The following RPTOR variants were observed in gnomAD, a reference collection of about 807,000 sequenced individuals.
RPTOR encodes the protein regulatory associated protein of MTOR complex 1, also known as regulatory-associated protein of mTOR.
RPTOR carries 21 observed loss-of-function variants against 169.9 expected under a neutral mutation model. The observed-to-expected ratio is 0.12, with a 90% CI of 0.09 to 0.18. RPTOR has a LOEUF of 0.18. Ranked by LOEUF, RPTOR falls within the 10% of genes least tolerant of loss-of-function variation. The pLI, the probability that RPTOR is intolerant of heterozygous loss-of-function variation, is 1.00. For synonymous variants in RPTOR, 732 were observed against 753.2 expected (o/e 0.97, Z 0.46); for missense variants, 1,133 against 1,855.9 (o/e 0.61, Z 7.16).
At chr17:80,718,249 A>C (rs941319345) in intron 4 of RPTOR, among the ~76,000 whole-genome samples, 1 of 152,110 alleles carries the variant, frequency 6.6e-6, no homozygotes, top group Non-Finnish European at 1.5e-5. Context: ...GTTTAGGATA[A>C]TTTTTAATTC....
At chr17:80,893,391 C>T (rs1472547623) in intron 19 of RPTOR, among the ~76,000 whole-genome samples, 1 of 114,524 alleles carries the variant, frequency 8.7e-6, no homozygotes, top group East Asian at 2.4e-4. Context: ...TGTGTGCATG[C>T]CAGGGTGTGT....
rs766776341 is a variant in RPTOR, at chr17:80,880,445, G to A, written c.1540G>A (p.Gly514Ser). 23 of 1,613,716 alleles carry A rather than the reference G, an allele frequency of 1.4e-5. No individual in the cohort carries two copies. Among genetic ancestry groups the A allele is most frequent in the East Asian group, 2.2e-5 (1 of 44,878 alleles). ...SCQADLVKDN[G>S]HKYFLSVLAD... ...CCAAGCGGACCTCGTGAAGGACAAC[G>A]GCCACAAGTACTTCCTGTCGGTCCT... The change falls in exon 14 of 34, where the codon GGC (glycine) becomes AGC (serine). Residue 514 changes from glycine (G) to serine (S), a missense_variant. Physicochemically the swap from Gly to Ser is moderately conservative, Grantham distance 56. This residue lies in a region of RPTOR where 289 missense variants were observed against 585.8 expected (regional missense o/e 0.49). Transcript: ENST00000306801.
At chr17:80,642,841 A>C (rs1221090192) in intron 2 of RPTOR, among the ~76,000 whole-genome samples, 1 of 152,214 alleles carries the variant, frequency 6.6e-6, no homozygotes, top group Non-Finnish European at 1.5e-5. Context: ...AGTCACTGAA[A>C]CCATGAAATG....
intron 24 of RPTOR, among the ~76,000 whole-genome samples, chr17:80,928,751 G>C (rs111755365): frequency 1.3e-5 from 2 of 152,222 alleles, no homozygotes; most frequent in Non-Finnish European, 2.9e-5. Context: ...ATGGTCTGCC[G>C]TGTGCTTAAG....
intron 3 of RPTOR, among the ~76,000 whole-genome samples, chr17:80,667,077 C>T (rs1370864694): frequency 6.6e-6 from 1 of 152,170 alleles, no homozygotes; most frequent in South Asian, 2.1e-4. Flanking sequence ...GGGAGGAAGG[C>T]GTTCCCGTCT....
chr17:80,666,242 A>G (rs1292253165), intron 3 of RPTOR, among the ~76,000 whole-genome samples: 1 of 150,132 alleles, frequency 6.7e-6, no homozygotes, highest in Non-Finnish European at 1.5e-5. Context: ...ATTCTTCTCC[A>G]AAGTTGGTTT....
At chr17:80,800,338 A>G (rs2067144605) in intron 7 of RPTOR, among the ~76,000 whole-genome samples, 1 of 152,190 alleles carries the variant, frequency 6.6e-6, no homozygotes, top group Non-Finnish European at 1.5e-5. Context: ...GTTTATTTCA[A>G]ACAGCAGCAC....
chr17:80,756,758 G>T (rs1350193200), intron 6 of RPTOR, among the ~76,000 whole-genome samples: 2 of 152,138 alleles, frequency 1.3e-5, no homozygotes, highest in Non-Finnish European at 2.9e-5. Context: ...CAGTTACCCT[G>T]ATTTGATCAT....
chr17:80,791,737 CTGAATTCCTT>C (rs2067050916), intron 7 of RPTOR, among the ~76,000 whole-genome samples: 1 of 152,170 alleles, frequency 6.6e-6, no homozygotes, highest in Non-Finnish European at 1.5e-5. Context: ...TAATAAAAAG[CTGAATTCCTT>C]TGAACATTTA....
Position 80,844,279 on chromosome 17 carries a change from G to A in RPTOR, c.1213-2194G>A, listed in dbSNP as rs2067702228. Among the ~76,000 whole-genome samples, 1 of 152,172 alleles carries A rather than the reference G, an allele frequency of 6.6e-6. No homozygotes were observed. The highest frequency in any genetic ancestry group is 2.4e-5 in the African/African-American group (1 of 41,436). On this transcript the variant is annotated intron_variant, in intron 10 of 33. Coordinates refer to ENST00000306801, the MANE Select transcript of RPTOR (RefSeq NM_020761.3). This position sits in a 1 kb window ranked among gnomAD's most constrained non-coding sequence, Gnocchi z 4.7. ...CCGCGCACCTGCCAGGCAAAGGTGT[G>A]CTTTTCCTTTTTTGTCAGTTTGAGG...
At chr17:80,785,965 T>A (rs2066986859) in intron 6 of RPTOR, among the ~76,000 whole-genome samples, 1 of 152,184 alleles carries the variant, frequency 6.6e-6, no homozygotes, top group Admixed American at 6.5e-5. Flanking sequence ...GCTCTCCTTG[T>A]TCAGGAGTTT....
chr17:80,555,608 A>G (rs2084398337), intron 1 of RPTOR, among the ~76,000 whole-genome samples: 2 of 152,222 alleles, frequency 1.3e-5, no homozygotes, highest in Admixed American at 6.5e-5. Context: ...AAATTACAAT[A>G]CGCAAGTATA....
intron 13 of RPTOR, among the ~76,000 whole-genome samples, chr17:80,873,459 T>C (rs2068073030): frequency 6.6e-6 from 1 of 152,238 alleles, no homozygotes; most frequent in Non-Finnish European, 1.5e-5. Flanking sequence ...TGCATGTTTT[T>C]GTCCTCACAG....
rs193260692 is a variant in RPTOR at position 80,551,725 on chromosome 17, C to T, written c.162+5934C>T. Among the ~76,000 whole-genome samples, 236 of 152,258 alleles carry T rather than the reference C, an allele frequency of 1.5e-3. 2 individuals are homozygous for T. The highest frequency in any genetic ancestry group is 5.6e-3 in the African/African-American group (232 of 41,560). On this transcript the variant is annotated intron_variant, in intron 1 of 33. Transcript: ENST00000306801. The stretch of plus-strand genomic sequence containing the variant: ...TCAACTGCAAGAGGCATGCCTTCCT[C>T]TTCTACTAATCCTCCTCAGCACAGA...
chr17:80,561,163 C>T (rs887306231), intron 1 of RPTOR, among the ~76,000 whole-genome samples: 3 of 147,720 alleles, frequency 2.0e-5, no homozygotes, highest in Non-Finnish European at 4.5e-5. Context: ...CTCCGCCTCC[C>T]GGGTTCAAGC....
intron 9 of RPTOR, among the ~76,000 whole-genome samples, chr17:80,837,647 T>C (rs911572574): frequency 2.2e-4 from 34 of 152,236 alleles, no homozygotes; most frequent in African/African-American, 7.5e-4. Context: ...TTTTTTCTTA[T>C]TTTATTTTAA....
chr17:80,903,188 C>T (rs1175734506), intron 20 of RPTOR, among the ~76,000 whole-genome samples: 3 of 152,238 alleles, frequency 2.0e-5, no homozygotes. Context: ...TGGCAAGCGC[C>T]CTGCTCACCC....
At chr17:80,830,607 C>T (rs1013965521) in intron 9 of RPTOR, among the ~76,000 whole-genome samples, 124 of 152,176 alleles carry the variant, frequency 8.1e-4, no homozygotes, top group Non-Finnish European at 1.5e-3. Context: ...CCAGTGGCTT[C>T]GAAAGGAGTT....
intron 7 of RPTOR, among the ~76,000 whole-genome samples, chr17:80,816,393 G>A (rs760410384): frequency 1.3e-5 from 2 of 152,198 alleles, no homozygotes; most frequent in Non-Finnish European, 2.9e-5. Context: ...AGTGAAACGC[G>A]AATCCACAGG....
Sources: allele counts gnomAD v4.1 joint callset (sites outside exome capture counted in the v4.1 genomes callset), GRCh38; gene constraint gnomAD v4.1.1; regional missense constraint gnomAD v4.1.1; non-coding constraint Gnocchi (gnomAD v3.1); transcripts MANE v1.5; gene names NCBI Gene and HGNC (gene_info 2026-07-23, HGNC 2026-07-21).